RAB44: variants seen among roughly 807,000 people sequenced by gnomAD.
RAB44 encodes ras-related protein Rab-44.
A neutral mutation model predicts 93.3 loss-of-function variants in RAB44; 67 were observed. That is an observed-to-expected ratio of 0.72 (90% CI 0.59 to 0.88). The LOEUF (loss-of-function observed/expected upper bound fraction) is 0.88. RAB44 is among the 40% of genes least tolerant of loss of function. The pLI is 0.00. For missense variants in RAB44, 1,064 were observed against 1,261.7 expected, an observed-to-expected ratio of 0.84 and a Z score of 2.37; for synonymous variants, 427 against 520.3, an observed-to-expected ratio of 0.82 and a Z score of 2.44.
At position 36,731,111 on chromosome 6, in the gene RAB44, A is replaced by G. The variant is rs1315895181; in HGVS notation, c.2975+362A>G. ...ATCCAAATGCTTTGCAATGGCCTGC[A>G]GCATCTCTAGTGCCATCTCCCCCAC... On this transcript the variant is annotated intron_variant, in intron 13 of 13. Coordinates refer to ENST00000612677, the MANE Select transcript of RAB44 (RefSeq NM_001257357.2). This position sits in a 1 kb window ranked among gnomAD's most constrained non-coding sequence, Gnocchi z 4.0. Among the ~76,000 whole-genome samples the G allele has an allele frequency of 6.6e-6, 1 of 151,912 alleles. No individual in the cohort carries two copies. Among genetic ancestry groups the G allele is most frequent in the Non-Finnish European group, 1.5e-5 (1 of 67,990 alleles).
chr6:36,704,985 T>C (rs1400149328), intron 2 of RAB44, among the ~76,000 whole-genome samples: 1 of 151,792 alleles, frequency 6.6e-6, no homozygotes, highest in Non-Finnish European at 1.5e-5. Flanking sequence ...CCAGGCATGG[T>C]GGTAGGTGCC....
In RAB44 at chr6:36,717,438, C is replaced by T. The variant is rs369925493; in HGVS notation, c.641+19C>T. 99 of 1,231,870 alleles carry T rather than the reference C, an allele frequency of 8.0e-5. No individual in the cohort carries two copies. Among genetic ancestry groups the T allele is most frequent in the Non-Finnish European group, 8.9e-5 (88 of 988,026 alleles). The allele number at this position is 1,231,870 out of a possible 1,614,324, so 76.3% of individuals were successfully genotyped here. On this transcript the variant is annotated intron_variant, in intron 5 of 13. Coordinates refer to ENST00000612677, the MANE Select transcript of RAB44 (RefSeq NM_001257357.2). The surrounding 1 kb of genome is among the most constrained non-coding windows in gnomAD (Gnocchi z 4.1). Reference sequence around the variant, plus strand: ...TGAGGAAGTGAGTGGGGGGCCTGGCCGGGTGTCTGATACGAAGTAGGTGCT... The same window carrying T: ...TGAGGAAGTGAGTGGGGGGCCTGGCTGGGTGTCTGATACGAAGTAGGTGCT...
Position 36,715,439 on chromosome 6 carries a change from A to G in RAB44, c.320-40A>G, listed in dbSNP as rs554109076. On this transcript the variant is annotated intron_variant, in intron 3 of 13. Transcript: ENST00000612677. ...GGTGGGAGGCCAGGCGTCTGGGCCC[A>G]ACACCACTGTGCTCCCCTCTGTCCA... The G allele has an allele frequency of 2.8e-5, 43 of 1,528,190 alleles. No homozygotes were observed. The Middle Eastern group carries it at 5.0e-4, about 18-fold the overall frequency. 94.7% of individuals were successfully genotyped at this position (1,528,190 alleles called of 1,614,324 possible).
At chr6:36,729,205 C>T (rs554218885) in intron 12 of RAB44, among the ~76,000 whole-genome samples, 6 of 152,206 alleles carry the variant, frequency 3.9e-5, no homozygotes, top group Non-Finnish European at 8.8e-5. Flanking sequence ...TCTAAGTTCT[C>T]CTATTTTAAG....
chr6:36,705,368 C>G (rs1762621069), intron 2 of RAB44, among the ~76,000 whole-genome samples: 1 of 151,348 alleles, frequency 6.6e-6, no homozygotes, highest in Admixed American at 6.6e-5. Context: ...TATCCAAGTT[C>G]CAAGTTTCAG....
chr6:36,725,955 T>G lies in RAB44; in HGVS notation c.2681+12T>G. On this transcript the variant is annotated intron_variant, in intron 10 of 13. Transcript: ENST00000612677. ...GCTGGCCAAGAGAGGTAACAGGCACTGTATATCAGTGTGTCAGGAACCTAG... is the reference window on the plus strand; with the variant it reads ...GCTGGCCAAGAGAGGTAACAGGCACGGTATATCAGTGTGTCAGGAACCTAG... 1 of 1,545,278 alleles carries G rather than the reference T, an allele frequency of 6.5e-7. No individual in the cohort carries two copies.
In RAB44 at chr6:36,721,718, T is replaced by A. The variant is rs1233749602; in HGVS notation, c.1584T>A (p.Asp528Glu). ...AACAGATCCAGGCCTCAGACCCAGA[T>A]GACAAGGGCCCTGGGTCTTGGGCTC... Reference protein sequence around the residue: ...SSKQIQASDPDDKGPGSWAPP... With the variant: ...SSKQIQASDPEDKGPGSWAPP... Residue 528 changes from aspartate (D) to glutamate (E), a missense_variant, in exon 9 of 14, where the codon GAT becomes GAA. Transcript: ENST00000612677. 3 of 1,234,244 alleles carry A rather than the reference T, an allele frequency of 2.4e-6. No homozygotes were observed. Among genetic ancestry groups the A allele is most frequent in the Non-Finnish European group, 3.0e-6 (3 of 988,154 alleles). 76.5% of individuals were successfully genotyped at this position (1,234,244 alleles called of 1,614,324 possible).
intron 2 of RAB44, among the ~76,000 whole-genome samples, 167 bp from the exon 3 acceptor site, chr6:36,713,661 G>C (rs1315652531): frequency 6.6e-6 from 1 of 152,164 alleles, no homozygotes; most frequent in African/African-American, 2.4e-5. Flanking sequence ...GGGCTGCCTT[G>C]GGTGGGGTTG....
chr6:36,705,362 C>T (rs1011983661), intron 2 of RAB44, among the ~76,000 whole-genome samples: 2 of 150,894 alleles, frequency 1.3e-5, no homozygotes, highest in African/African-American at 4.9e-5. Flanking sequence ...GCCTCATATC[C>T]AAGTTCCAAG....
intron 2 of RAB44, among the ~76,000 whole-genome samples, chr6:36,707,206 G>A (rs1762671067): frequency 6.6e-6 from 1 of 151,838 alleles, no homozygotes; most frequent in Non-Finnish European, 1.5e-5. Context: ...TGTATTCCTA[G>A]CTACTTGGGA....
Position 36,722,484 on chromosome 6 carries a change from G to A in RAB44, c.2350G>A (p.Ala784Thr), listed in dbSNP as rs574269191. 1.1e-5 allele frequency: 16 copies of A among 1,475,032 alleles called. No homozygotes were observed. Among genetic ancestry groups the A allele is most frequent in the Middle Eastern group, 1.8e-4 (1 of 5,652 alleles). The allele number at this position is 1,475,032 out of a possible 1,614,324, so 91.4% of individuals were successfully genotyped here. Residue 784 changes from alanine to threonine, a missense_variant, in exon 9 of 14, where the codon GCA becomes ACA. By Grantham distance (58) the Ala-to-Thr change is moderately conservative. Coordinates refer to ENST00000612677, the MANE Select transcript of RAB44 (RefSeq NM_001257357.2). The part of the protein sequence containing the change: ...QPRPSLTTAH[A>T]EEQGPPHSRE... ...CAGGCCATCCCTCACGACTGCTCAC[G>A]CAGAAGAACAAGGCCCGCCTCACTC...
At chr6:36,718,969 G>A (rs236485) in intron 7 of RAB44, among the ~76,000 whole-genome samples, 141,323 of 151,704 alleles carry the variant, frequency 0.93, 65,952 homozygotes, top group East Asian at 1. Context: ...CAGTGGCGCA[G>A]TCTTGGCTCA....
At chr6:36,709,894 T>C (rs1398454655) in intron 2 of RAB44, among the ~76,000 whole-genome samples, 3 of 152,182 alleles carry the variant, frequency 2.0e-5, no homozygotes, top group Non-Finnish European at 2.9e-5. Flanking sequence ...AATTAACCTC[T>C]TTCACAGAAA....
intron 1 of RAB44, among the ~76,000 whole-genome samples, chr6:36,700,564 C>G (rs1762485813): frequency 6.6e-6 from 1 of 152,126 alleles, no homozygotes; most frequent in Non-Finnish European, 1.5e-5. Flanking sequence ...CTCAGCCTCC[C>G]AAGTAGCTAG....
At chr6:36,723,656 A>G (rs1214170050) in intron 9 of RAB44, among the ~76,000 whole-genome samples, 3 of 151,858 alleles carry the variant, frequency 2.0e-5, no homozygotes, top group Non-Finnish European at 4.4e-5. Context: ...TAACGCAGTG[A>G]AACCCTGTCT....
At position 36,717,422 on chromosome 6, in the gene RAB44, G is replaced by A. The variant is rs1762949257; in HGVS notation, c.641+3G>A. On this transcript the variant is annotated splice_donor_region_variant and intron_variant, in intron 5 of 13. Coordinates refer to ENST00000612677, the MANE Select transcript of RAB44 (RefSeq NM_001257357.2). The surrounding 1 kb of genome is among the most constrained non-coding windows in gnomAD (Gnocchi z 4.1). ...GCCCTGGAGCTGACCCTGAGGAAGT[G>A]AGTGGGGGGCCTGGCCGGGTGTCTG... The A allele has an allele frequency of 1.6e-6, 2 of 1,232,094 alleles. No individual in the cohort carries two copies. Among genetic ancestry groups the A allele is most frequent in the African/African-American group, 1.6e-5 (1 of 64,446 alleles). 76.3% of individuals were successfully genotyped at this position (1,232,094 alleles called of 1,614,324 possible).
At chr6:36,722,764 A>T (rs1763129500) in intron 9 of RAB44, 31 bp downstream of exon 9, 12 of 1,549,576 alleles carry the variant, frequency 7.7e-6, no homozygotes, top group Non-Finnish European at 9.6e-6. Context: ...GGCAGGGAGC[A>T]AGGAGAGACG....
chr6:36,722,522 G>A lies in RAB44; in HGVS notation c.2388G>A (p.Arg796=). ...EQGPPHSREP[R]AESRLEDPGM... is the part of the protein sequence containing the mutation. ...GCCCGCCTCACTCCAGGGAACCAAGGGCAGAGAGCAGGCTTGAAGATCCAG... is the reference window on the plus strand; with the variant it reads ...GCCCGCCTCACTCCAGGGAACCAAGAGCAGAGAGCAGGCTTGAAGATCCAG... The change falls in exon 9 of 14, where the codon AGG becomes AGA. Residue 796 remains arginine (R), a synonymous_variant. Coordinates refer to ENST00000612677, the MANE Select transcript of RAB44 (RefSeq NM_001257357.2). The A allele has an allele frequency of 6.6e-7, 1 of 1,524,508 alleles. No individual in the cohort carries two copies. Among genetic ancestry groups the A allele is most frequent in the Non-Finnish European group, 8.8e-7 (1 of 1,133,422 alleles). 94.4% of individuals were successfully genotyped at this position (1,524,508 alleles called of 1,614,324 possible).
chr6:36,698,049 G>GCT (rs1762423745), intron 1 of RAB44, 134 bp downstream of exon 1: 1 of 152,282 alleles, frequency 6.6e-6, no homozygotes, highest in African/African-American at 2.4e-5. Flanking sequence ...TGCATTTGGA[G>GCT]CTCTCTGCAT....
Sources: gnomAD v4.1 joint callset for allele counts (sites outside exome capture counted in the v4.1 genomes callset) on GRCh38, gnomAD v4.1.1 for gene constraint, Gnocchi (gnomAD v3.1) non-coding constraint, MANE v1.5 for transcripts, NCBI Gene and HGNC (gene_info 2026-07-23, HGNC 2026-07-21) for gene names.